TNNI3K: variants seen among roughly 807,000 people sequenced by gnomAD.
The protein encoded by TNNI3K is TNNI3 interacting kinase, also known as serine/threonine-protein kinase TNNI3K.
A neutral mutation model predicts 114.5 loss-of-function variants in TNNI3K; 140 were observed. That is an observed-to-expected ratio of 1.22 (90% CI 1.07 to 1.41). The LOEUF is 1.41. Ranked by LOEUF, TNNI3K falls within the 40% of genes most tolerant of loss-of-function variation. The pLI, the probability that TNNI3K is intolerant of heterozygous loss-of-function variation, is 0.00. For missense variants in TNNI3K, 1,125 were observed against 1,007.6 expected (o/e 1.12, Z -1.58); for synonymous variants, 347 against 347.5 (o/e 1.00, Z 0.02).
intron 23 of TNNI3K, among the ~76,000 whole-genome samples, chr1:74,507,225 C>CT (rs980982672): frequency 8.1e-6 from 1 of 124,148 alleles, no homozygotes; most frequent in Admixed American, 8.6e-5. Flanking sequence ...ATTTCTTCAC[C>CT]CCCCCCCCAT....
chr1:74,348,929 A>T (rs1272635298), intron 9 of TNNI3K, among the ~76,000 whole-genome samples: 1 of 152,202 alleles, frequency 6.6e-6, no homozygotes, highest in Non-Finnish European at 1.5e-5. Flanking sequence ...ATATACAATC[A>T]TGTCATCTGC....
At chr1:74,348,979 G>C (rs865774841) in intron 9 of TNNI3K, among the ~76,000 whole-genome samples, 1 of 151,984 alleles carries the variant, frequency 6.6e-6, no homozygotes, top group Non-Finnish European at 1.5e-5. Flanking sequence ...CTAATTGAAT[G>C]CCCTTTATTT....
At chr1:74,476,779 A>G (rs1035676702) in intron 21 of TNNI3K, among the ~76,000 whole-genome samples, 1 of 152,138 alleles carries the variant, frequency 6.6e-6, no homozygotes, top group Admixed American at 6.6e-5. Flanking sequence ...AGATTCTTTG[A>G]CTGGCTACAC....
chr1:74,538,254 G>C (rs1646683570), intron 23 of TNNI3K, among the ~76,000 whole-genome samples: 1 of 152,166 alleles, frequency 6.6e-6, no homozygotes, highest in Non-Finnish European at 1.5e-5. Context: ...AGAGACCCAA[G>C]TAGGGCTATA....
chr1:74,538,965 A>G (rs1646693804), intron 23 of TNNI3K, among the ~76,000 whole-genome samples: 1 of 152,170 alleles, frequency 6.6e-6, no homozygotes, highest in African/African-American at 2.4e-5. Context: ...ATGAACTGGG[A>G]AGCAATTGAA....
chr1:74,342,740 G>A, intron 7 of TNNI3K, 102 bp from the exon 8 acceptor site: 1 of 1,417,242 alleles, frequency 7.1e-7, no homozygotes, highest in Non-Finnish European at 9.5e-7. Context: ...CAATTTCCAG[G>A]AATCACTCAG....
At chr1:74,503,327 T>G (rs1669730134) in intron 23 of TNNI3K, among the ~76,000 whole-genome samples, 1 of 152,172 alleles carries the variant, frequency 6.6e-6, no homozygotes, top group Non-Finnish European at 1.5e-5. Context: ...CCAAAAAGGG[T>G]CTTTGGCTTT....
chr1:74,453,962 T>C (rs1667128011), intron 20 of TNNI3K, among the ~76,000 whole-genome samples: 1 of 152,296 alleles, frequency 6.6e-6, no homozygotes, highest in Admixed American at 6.5e-5. Context: ...AAAGAAAATA[T>C]GTTTCAGGCT....
intron 5 of TNNI3K, among the ~76,000 whole-genome samples, chr1:74,294,726 A>G (rs1050953646): frequency 6.6e-6 from 1 of 152,102 alleles, no homozygotes; most frequent in African/African-American, 2.4e-5. Flanking sequence ...ATGATCTGCA[A>G]TAATGATCTT....
At chr1:74,362,528 G>A (rs1293682217) in intron 11 of TNNI3K, among the ~76,000 whole-genome samples, 1 of 152,082 alleles carries the variant, frequency 6.6e-6, no homozygotes, top group African/African-American at 2.4e-5. Context: ...ATTAGAATCA[G>A]CTTTCATTGT....
intron 4 of TNNI3K, among the ~76,000 whole-genome samples, chr1:74,253,387 G>A (rs1016454635): frequency 2.0e-5 from 3 of 152,144 alleles, no homozygotes; most frequent in African/African-American, 7.2e-5. Flanking sequence ...GTGGAGCAGG[G>A]GGCAGCACGC....
intron 5 of TNNI3K, among the ~76,000 whole-genome samples, chr1:74,318,928 T>A (rs1280075702): frequency 6.6e-6 from 1 of 152,370 alleles, no homozygotes; most frequent in East Asian, 1.9e-4. Context: ...CCAACCTGGG[T>A]GTTTTAAATA....
intron 21 of TNNI3K, among the ~76,000 whole-genome samples, chr1:74,473,807 T>A (rs1668055737): frequency 6.6e-6 from 1 of 152,146 alleles, no homozygotes; most frequent in Admixed American, 6.5e-5. Context: ...GGGGAAAGAA[T>A]CTGTAGCCTT....
intron 19 of TNNI3K, among the ~76,000 whole-genome samples, chr1:74,437,142 T>C (rs544512835): frequency 6.6e-6 from 1 of 152,200 alleles, no homozygotes; most frequent in East Asian, 1.9e-4. Flanking sequence ...TTTTTCATTC[T>C]TTCCCTTTCC....
rs766988536 is a variant in TNNI3K, at chr1:74,354,132, A to G, written c.1177+3A>G. The G allele has an allele frequency of 1.9e-6, 3 of 1,613,972 alleles. No homozygotes were observed. Among genetic ancestry groups the G allele is most frequent in the South Asian group, 1.1e-5 (1 of 91,074 alleles). ...TTTGATGTGGGCTTATGAAAAAGGT[A>G]TATTTTTAATCATCGTGTCTCTATA... On this transcript the variant is annotated splice_donor_region_variant and intron_variant, in intron 11 of 24. Transcript: ENST00000326637.
intron 21 of TNNI3K, among the ~76,000 whole-genome samples, chr1:74,472,918 A>G (rs1442041961): frequency 6.6e-6 from 1 of 152,014 alleles, no homozygotes; most frequent in Non-Finnish European, 1.5e-5. Context: ...TCTTCATGTT[A>G]CAATCTTTCA....
intron 11 of TNNI3K, among the ~76,000 whole-genome samples, chr1:74,360,513 A>G (rs146748719): frequency 2.2e-4 from 34 of 152,194 alleles, no homozygotes; most frequent in Middle Eastern, 6.8e-3. Context: ...TCAAATCCAC[A>G]TAATAACCCT....
chr1:74,480,920 G>T, intron 21 of TNNI3K: 1 of 717,334 alleles, frequency 1.4e-6, no homozygotes, highest in Non-Finnish European at 2.6e-6. Flanking sequence ...CTCAATAGAG[G>T]AGAGATATCC....
intron 7 of TNNI3K, among the ~76,000 whole-genome samples, chr1:74,341,271 T>C (rs1660733544): frequency 6.6e-6 from 1 of 152,206 alleles, no homozygotes; most frequent in Admixed American, 6.5e-5. Flanking sequence ...TCTGCATTTA[T>C]CTGTTATTAG....
Sources: gnomAD v4.1 joint callset for allele counts (sites outside exome capture counted in the v4.1 genomes callset) on GRCh38, gnomAD v4.1.1 for gene constraint, MANE v1.5 for transcripts, NCBI Gene and HGNC (gene_info 2026-07-23, HGNC 2026-07-21) for gene names.